The following CERS6 variants were observed in gnomAD, a reference collection of about 807,000 sequenced individuals.
The protein encoded by CERS6 is LAG1 homolog, ceramide synthase 6.
Under a neutral mutation model 56.8 loss-of-function variants are expected in CERS6, and 26 were observed. That is an observed-to-expected ratio of 0.46 (90% confidence interval 0.34 to 0.63). CERS6 has a LOEUF of 0.63. Among genes scored for constraint, CERS6 ranks in the 30% least tolerant of loss-of-function variants. The pLI is 0.01. For synonymous variants in CERS6, 164 were observed against 173.3 expected (o/e 0.95, Z 0.42); for missense variants, 415 against 467.5 (o/e 0.89, Z 1.04).
chr2:168,640,917 A>T (rs1243798173), intron 4 of CERS6, among the ~76,000 whole-genome samples: 1 of 152,154 alleles, frequency 6.6e-6, no homozygotes, highest in East Asian at 1.9e-4. Flanking sequence ...CCACTAACCC[A>T]TGTCTTGTCT....
intron 1 of CERS6, among the ~76,000 whole-genome samples, chr2:168,543,693 G>T (rs79257996): frequency 0.021 from 3,126 of 152,062 alleles, 119 homozygotes; most frequent in East Asian, 0.17. Flanking sequence ...TTCATTTGGG[G>T]TTCACTTTTT....
intron 1 of CERS6, among the ~76,000 whole-genome samples, chr2:168,483,265 G>A (rs942307271): frequency 1.7e-4 from 25 of 150,904 alleles, no homozygotes; most frequent in Admixed American, 1.1e-3. Context: ...ATAATAACTC[G>A]TCCACGATTA....
chr2:168,680,704 G>C (rs538207401), intron 4 of CERS6, among the ~76,000 whole-genome samples: 3 of 152,192 alleles, frequency 2.0e-5, no homozygotes, highest in Non-Finnish European at 4.4e-5. Flanking sequence ...CCTTATAAAA[G>C]AGGCTTCACA....
intron 4 of CERS6, among the ~76,000 whole-genome samples, chr2:168,666,986 A>G (rs994189759): frequency 6.6e-6 from 1 of 152,242 alleles, no homozygotes; most frequent in Non-Finnish European, 1.5e-5. Flanking sequence ...TAATCTACAT[A>G]CATTTGATAA....
chr2:168,673,002 A>T (rs1296999180), intron 4 of CERS6, among the ~76,000 whole-genome samples: 5 of 152,232 alleles, frequency 3.3e-5, no homozygotes, highest in African/African-American at 1.2e-4. Context: ...ATAAATAAGG[A>T]TGTGCTGTTT....
At chr2:168,563,216 G>A (rs186367793) in intron 3 of CERS6, among the ~76,000 whole-genome samples, 4 of 152,222 alleles carry the variant, frequency 2.6e-5, no homozygotes. Context: ...TGGTCTATAG[G>A]TCACACTTTG....
At chr2:168,554,395 A>T (rs1445903007) in intron 2 of CERS6, among the ~76,000 whole-genome samples, 1 of 152,234 alleles carries the variant, frequency 6.6e-6, no homozygotes, top group East Asian at 1.9e-4. Flanking sequence ...TGGAGATAGG[A>T]TCTTTACAAA....
At chr2:168,480,423 A>G (rs1480895701) in intron 1 of CERS6, among the ~76,000 whole-genome samples, 2 of 152,206 alleles carry the variant, frequency 1.3e-5, no homozygotes, top group African/African-American at 4.8e-5. Flanking sequence ...ATAAAATTTC[A>G]TAGCTGGAAG....
intron 8 of CERS6, among the ~76,000 whole-genome samples, chr2:168,751,138 T>C (rs1303715989): frequency 6.6e-6 from 1 of 152,066 alleles, no homozygotes; most frequent in Admixed American, 6.5e-5. Flanking sequence ...TAAACACAAG[T>C]AAGAGGTTAT....
At chr2:168,730,058 C>CT (rs1297418324) in intron 8 of CERS6, among the ~76,000 whole-genome samples, 5 of 152,184 alleles carry the variant, frequency 3.3e-5, no homozygotes, top group Non-Finnish European at 7.3e-5. Context: ...ACGACTGAGA[C>CT]TTTGCAGCCC....
chr2:168,705,263 A>G (rs1268229181), intron 6 of CERS6, among the ~76,000 whole-genome samples: 4 of 152,202 alleles, frequency 2.6e-5, no homozygotes, highest in Non-Finnish European at 5.9e-5. Context: ...CCTTTGGCAC[A>G]TGAGAATTAG....
chr2:168,622,684 A>G (rs1166436984), intron 3 of CERS6, among the ~76,000 whole-genome samples: 1 of 152,220 alleles, frequency 6.6e-6, no homozygotes, highest in African/African-American at 2.4e-5. Flanking sequence ...TTGCATTGAT[A>G]ATTCTGTTCC....
intron 3 of CERS6, among the ~76,000 whole-genome samples, chr2:168,591,282 A>G (rs11889599): frequency 0.012 from 1,856 of 152,300 alleles, 30 homozygotes; most frequent in African/African-American, 0.041. Context: ...TGTTAGTGCT[A>G]TTTCTCTTTG....
At chr2:168,457,058 C>T (rs983743775) in intron 1 of CERS6, among the ~76,000 whole-genome samples, 8 of 152,356 alleles carry the variant, frequency 5.3e-5, no homozygotes, top group African/African-American at 1.9e-4. Flanking sequence ...TCCGGACGCG[C>T]GGCCCGGAGG....
chr2:168,549,723 GT>G (rs1267840845), intron 2 of CERS6, among the ~76,000 whole-genome samples: 7 of 152,180 alleles, frequency 4.6e-5, no homozygotes, highest in African/African-American at 1.4e-4. Context: ...TCCTTTGGAG[GT>G]TTTTACATGA....
chr2:168,682,034 T>C (rs1686230457), intron 4 of CERS6, among the ~76,000 whole-genome samples: 1 of 152,224 alleles, frequency 6.6e-6, no homozygotes, highest in Non-Finnish European at 1.5e-5. Context: ...TCTATTCATC[T>C]GTTGATTCCA....
At chr2:168,651,022 A>G (rs1685329093) in intron 4 of CERS6, among the ~76,000 whole-genome samples, 1 of 152,182 alleles carries the variant, frequency 6.6e-6, no homozygotes, top group Admixed American at 6.6e-5. Flanking sequence ...GAGAAAGGGA[A>G]GTCAGGAGAG....
At chr2:168,462,296 T>C (rs1008039400) in intron 1 of CERS6, among the ~76,000 whole-genome samples, 1 of 152,224 alleles carries the variant, frequency 6.6e-6, no homozygotes, top group Admixed American at 6.5e-5. Flanking sequence ...TTAATTTTTC[T>C]TAGGAACCAT....
At chr2:168,484,522 CTG>C (rs1345994375) in intron 1 of CERS6, among the ~76,000 whole-genome samples, 1 of 151,788 alleles carries the variant, frequency 6.6e-6, no homozygotes, top group African/African-American at 2.4e-5. Context: ...AAGAAAGTAA[CTG>C]TCTACTGTAA....
Sources: allele counts gnomAD v4.1 joint callset (sites outside exome capture counted in the v4.1 genomes callset), GRCh38; gene constraint gnomAD v4.1.1; transcripts MANE v1.5; gene names NCBI Gene and HGNC (gene_info 2026-07-23, HGNC 2026-07-21).